The following DIAPH2 variants were observed in gnomAD, a reference collection of about 807,000 sequenced individuals.
DIAPH2 encodes protein diaphanous homolog 2.
A neutral mutation model predicts 92.7 loss-of-function variants in DIAPH2; 35 were observed. That is an observed-to-expected ratio of 0.38 (90% CI 0.29 to 0.50). The LOEUF is 0.50. Ranked by LOEUF, DIAPH2 falls within the 20% of genes least tolerant of loss-of-function variation. The pLI, the probability that DIAPH2 is intolerant of heterozygous loss-of-function variation, is 0.94. For missense variants in DIAPH2, 701 were observed against 819.5 expected, an observed-to-expected ratio of 0.86 and a Z score of 1.77; for synonymous variants, 301 against 280.4, an observed-to-expected ratio of 1.07 and a Z score of -0.73.
intron 3 of DIAPH2, among the ~76,000 whole-genome samples, chrX:96,753,595 C>T (rs1248088529): frequency 1.8e-5 from 2 of 111,711 alleles, no homozygotes; most frequent in Admixed American, 1.9e-4. Flanking sequence ...CTTCTTAGTT[C>T]GACTCTTATC....
chrX:97,446,268 T>G (rs2070309630), intron 26 of DIAPH2, among the ~76,000 whole-genome samples: 1 of 112,421 alleles, frequency 8.9e-6, no homozygotes, highest in Admixed American at 9.4e-5. Context: ...AAATATCTTT[T>G]CATAAAAGTT....
intron 17 of DIAPH2, among the ~76,000 whole-genome samples, chrX:97,004,730 T>C (rs1250957099): frequency 8.9e-6 from 1 of 112,135 alleles, no homozygotes; most frequent in Non-Finnish European, 1.9e-5. Context: ...AAATATAAAA[T>C]TATATTAACT....
At chrX:97,104,837 A>C (rs1202519955) in intron 20 of DIAPH2, among the ~76,000 whole-genome samples, 1 of 112,071 alleles carries the variant, frequency 8.9e-6, no homozygotes, top group East Asian at 2.8e-4. Context: ...AAATAATGAT[A>C]ATGAATAATT....
chrX:97,430,689 A>C (rs1368612317), intron 26 of DIAPH2, among the ~76,000 whole-genome samples: 1 of 112,598 alleles, frequency 8.9e-6, no homozygotes, highest in Non-Finnish European at 1.9e-5. Flanking sequence ...GGAAGTTACC[A>C]TGTGTCATTT....
chrX:97,212,121 T>C (rs2067845121), intron 22 of DIAPH2, among the ~76,000 whole-genome samples: 1 of 112,049 alleles, frequency 8.9e-6, no homozygotes, highest in Admixed American at 9.5e-5. Flanking sequence ...ATTTTAGTTC[T>C]AAAATCATTT....
intron 4 of DIAPH2, among the ~76,000 whole-genome samples, chrX:96,772,575 T>G (rs2147615717): frequency 8.9e-6 from 1 of 112,598 alleles, no homozygotes; most frequent in Non-Finnish European, 1.9e-5. Flanking sequence ...TCTGCATTGC[T>G]AAATAATGGT....
intron 23 of DIAPH2, among the ~76,000 whole-genome samples, chrX:97,320,092 T>C (rs2068878038): frequency 9.8e-6 from 1 of 102,545 alleles, no homozygotes; most frequent in South Asian, 4.4e-4. Context: ...AGAGTGAGAC[T>C]CTGTCTCAAA....
intron 9 of DIAPH2, among the ~76,000 whole-genome samples, chrX:96,921,067 G>T (rs1423020299): frequency 9.0e-6 from 1 of 111,692 alleles, no homozygotes; most frequent in Non-Finnish European, 1.9e-5. Context: ...TTAACAGAAT[G>T]ACTTTTCTAT....
intron 26 of DIAPH2, among the ~76,000 whole-genome samples, chrX:97,502,076 T>G (rs1220274572): frequency 8.9e-6 from 1 of 112,558 alleles, no homozygotes; most frequent in Admixed American, 9.4e-5. Flanking sequence ...GTGCTGGGAT[T>G]ACAAGCGTGA....
chrX:97,339,694 A>G (rs1180900260), intron 23 of DIAPH2, among the ~76,000 whole-genome samples: 1 of 112,133 alleles, frequency 8.9e-6, no homozygotes, highest in Admixed American at 9.5e-5. Flanking sequence ...TATAAACCCC[A>G]CAAAGAACAC....
chrX:97,600,016 G>A lies in DIAPH2; in HGVS notation c.*699G>A, dbSNP rs1051703436. 1 of 112,513 alleles carries A rather than the reference G, an allele frequency of 8.9e-6. No homozygotes were observed. Among genetic ancestry groups the A allele is most frequent in the Non-Finnish European group, 1.9e-5 (1 of 53,200 alleles). 9.3% of individuals were successfully genotyped at this position (112,513 alleles called of 1,213,427 possible). A position where few individuals can be genotyped will look rare whatever the true frequency, so the allele number is the denominator to read the frequency against. ...AATAAACCAAAGTTTAACCGAATCA[G>A]TTAGGGAAAGTGATTTAAACTTTAT... On this transcript the variant is annotated 3_prime_UTR_variant, in exon 27 of 27. Transcript: ENST00000324765.
At chrX:96,784,926 C>G (rs2064444184) in intron 4 of DIAPH2, among the ~76,000 whole-genome samples, 1 of 112,242 alleles carries the variant, frequency 8.9e-6, no homozygotes, top group Non-Finnish European at 1.9e-5. Context: ...AAAAGATGAG[C>G]AGCAGTGGTT....
intron 26 of DIAPH2, among the ~76,000 whole-genome samples, chrX:97,520,556 C>T (rs1372982793): frequency 1.8e-5 from 2 of 112,143 alleles, no homozygotes; most frequent in African/African-American, 6.5e-5. Context: ...TTAGATAGAA[C>T]ACAGATACAT....
intron 17 of DIAPH2, among the ~76,000 whole-genome samples, chrX:97,032,885 G>T (rs1042408064): frequency 9.0e-6 from 1 of 111,178 alleles, no homozygotes. Context: ...AGTTTTCCTC[G>T]AATAATTCAG....
At chrX:97,303,140 T>G (rs1310437884) in intron 23 of DIAPH2, among the ~76,000 whole-genome samples, 1 of 112,797 alleles carries the variant, frequency 8.9e-6, no homozygotes, top group Non-Finnish European at 1.9e-5. Context: ...TTTTCTTTTC[T>G]TTTACTTTTC....
At chrX:97,171,038 G>T (rs749333116) in intron 22 of DIAPH2, among the ~76,000 whole-genome samples, 7 of 110,347 alleles carry the variant, frequency 6.3e-5, no homozygotes, top group African/African-American at 2.3e-4. Context: ...CACCACACCC[G>T]GCTAATTGTA....
chrX:97,575,985 G>C (rs1243590494), intron 26 of DIAPH2, among the ~76,000 whole-genome samples: 5 of 111,880 alleles, frequency 4.5e-5, no homozygotes, highest in Non-Finnish European at 5.6e-5. Flanking sequence ...TTTATTGCCA[G>C]GCAGCCAAGC....
chrX:97,004,260 TG>T (rs1280085528), intron 17 of DIAPH2, among the ~76,000 whole-genome samples: 2 of 111,633 alleles, frequency 1.8e-5, no homozygotes, highest in Admixed American at 1.9e-4. Context: ...AGGATGGTTT[TG>T]GCTATTCTCA....
intron 7 of DIAPH2, 110 bp downstream of exon 7, chrX:96,912,662 G>A: frequency 1.1e-6 from 1 of 915,628 alleles, no homozygotes; most frequent in East Asian, 3.7e-5. Context: ...AATTTCCAGG[G>A]TACATGTATA....
Sources: gnomAD v4.1 joint callset for allele counts (sites outside exome capture counted in the v4.1 genomes callset) on GRCh38, gnomAD v4.1.1 for gene constraint, MANE v1.5 for transcripts, NCBI Gene and HGNC (gene_info 2026-07-23, HGNC 2026-07-21) for gene names.